Variants in PPL observed in about 807,000 individuals in gnomAD.
PPL encodes periplakin, also known as 190 kDa paraneoplastic pemphigus antigen.
Under a neutral mutation model 194.4 loss-of-function variants are expected in PPL, and 198 were observed. That is an observed-to-expected ratio of 1.02 (90% CI 0.91 to 1.15). The LOEUF (loss-of-function observed/expected upper bound fraction) is 1.15, where lower values mean the gene tolerates loss of function less well. PPL is among the 50% of genes most tolerant of loss of function. The pLI is 0.00. For synonymous variants in PPL, 1,220 were observed against 972.4 expected, an observed-to-expected ratio of 1.25 and a Z score of -4.74; for missense variants, 2,885 against 2,294.8, an observed-to-expected ratio of 1.26 and a Z score of -5.25.
intron 1 of PPL, among the ~76,000 whole-genome samples, chr16:4,931,987 G>C (rs59097326): frequency 0.02 from 3,054 of 152,294 alleles, 91 homozygotes; most frequent in African/African-American, 0.069. Context: ...GGTTGCTGGG[G>C]GTAGAGGCAG....
chr16:4,921,079 T>C (rs1166717143), intron 1 of PPL, among the ~76,000 whole-genome samples: 2 of 152,226 alleles, frequency 1.3e-5, no homozygotes, highest in Non-Finnish European at 2.9e-5. Flanking sequence ...TCGAGTCGAC[T>C]GAGGCTGTTT....
At position 4,888,230 on chromosome 16, in the gene PPL, A is replaced by G; in HGVS notation, c.2398-12T>C. 1 of 1,562,022 alleles carries G rather than the reference A, an allele frequency of 6.4e-7. No individual in the cohort carries two copies. The highest frequency in any genetic ancestry group is 8.8e-7 in the Non-Finnish European group (1 of 1,132,738). Reference sequence around the variant, plus strand: ...TCTAACTCATAGTCCTGCATGAGGGAGAGACATGGCAGAGGGGAGATTAAA... The same window carrying G: ...TCTAACTCATAGTCCTGCATGAGGGGGAGACATGGCAGAGGGGAGATTAAA... On this transcript the variant is annotated splice_polypyrimidine_tract_variant and intron_variant, in intron 19 of 21. Transcript: ENST00000345988.
intron 9 of PPL, among the ~76,000 whole-genome samples, chr16:4,897,351 AAAAAAG>A (rs1219449064): frequency 6.6e-5 from 10 of 151,424 alleles, no homozygotes; most frequent in African/African-American, 2.4e-4. Flanking sequence ...AAAAAAAAAA[AAAAAAG>A]GCAAATTTTG....
chr16:4,931,399 T>C (rs1022493581), intron 1 of PPL, among the ~76,000 whole-genome samples: 1 of 151,228 alleles, frequency 6.6e-6, no homozygotes, highest in African/African-American at 2.4e-5. Flanking sequence ...AAAAAATAGG[T>C]TGGGGTAGGG....
chr16:4,909,711 G>C (rs1269168114), intron 2 of PPL, among the ~76,000 whole-genome samples: 1 of 152,094 alleles, frequency 6.6e-6, no homozygotes, highest in East Asian at 1.9e-4. Flanking sequence ...ACGGCCGTGT[G>C]AGCCATTACG....
At position 4,882,703 on chromosome 16, in the gene PPL, C is replaced by T. The variant is rs1266678437; in HGVS notation, c.*681G>A. 1.3e-5 allele frequency: 2 copies of T among 152,358 alleles called. No individual in the cohort carries two copies. The highest frequency in any genetic ancestry group is 2.4e-5 in the African/African-American group (1 of 41,456). The allele number at this position is 152,358 out of a possible 1,614,324, so 9.4% of individuals were successfully genotyped here. A position where few individuals can be genotyped will look rare whatever the true frequency, so the allele number is the denominator to read the frequency against. ...TGTAAAGCACTGAAACTAAGGCTAA[C>T]AGCAGCACAATCCACTATCAAAGGA... On this transcript the variant is annotated 3_prime_UTR_variant, in exon 22 of 22. Transcript: ENST00000345988.
intron 14 of PPL, 47 bp downstream of exon 14, chr16:4,893,166 A>G: frequency 6.8e-7 from 1 of 1,460,196 alleles, no homozygotes; most frequent in African/African-American, 1.4e-5. Flanking sequence ...CCAGGGGGCC[A>G]GTGCAGGGCT....
In PPL at chr16:4,937,136, G is replaced by A; in HGVS notation, c.-91C>T. The A allele has an allele frequency of 2.2e-6, 2 of 916,398 alleles. No homozygotes were observed. The highest frequency in any genetic ancestry group is 2.7e-6 in the Non-Finnish European group (2 of 752,766). 56.8% of individuals were successfully genotyped at this position (916,398 alleles called of 1,614,324 possible). On this transcript the variant is annotated 5_prime_UTR_variant, in exon 1 of 22. Transcript: ENST00000345988. Reference sequence around the variant, plus strand: ...GCGCAGGTGAGCGAGCGGCGGCGCGGGGAGCCCGGACTGCGGCGCGGCAGT... The same window carrying A: ...GCGCAGGTGAGCGAGCGGCGGCGCGAGGAGCCCGGACTGCGGCGCGGCAGT...
chr16:4,885,502 C>G lies in PPL; in HGVS notation c.3153G>C (p.Lys1051Asn). 1 of 1,611,708 alleles carries G rather than the reference C, an allele frequency of 6.2e-7. No homozygotes were observed. The highest frequency in any genetic ancestry group is 8.5e-7 in the Non-Finnish European group (1 of 1,179,894). Residue 1051 changes from lysine to asparagine, a missense_variant, in exon 22 of 22, where the codon AAG becomes AAC. Transcript: ENST00000345988. The surrounding 1 kb of genome is among the most constrained non-coding windows in gnomAD (Gnocchi z 6.3). ...GTTTCACCACCTCTTTCTCTGTGACCTTCTCCTGCGCCCGGCTCTTCTCTT... is the reference window on the plus strand; with the variant it reads ...GTTTCACCACCTCTTTCTCTGTGACGTTCTCCTGCGCCCGGCTCTTCTCTT... ...LAEEKSRAQE[K>N]VTEKEVVKLQ...
chr16:4,890,637 AAAT>A, intron 17 of PPL, 88 bp downstream of exon 17: 1 of 1,434,162 alleles, frequency 7.0e-7, no homozygotes, highest in Non-Finnish European at 9.3e-7. Context: ...AAAAACAGCA[AAAT>A]CTGTGGGACA....
chr16:4,911,992 CA>C (rs1415672723), intron 1 of PPL, among the ~76,000 whole-genome samples: 1 of 152,242 alleles, frequency 6.6e-6, no homozygotes, highest in Non-Finnish European at 1.5e-5. Flanking sequence ...ACCACCAGCA[CA>C]CCCAGCTTCT....
Position 4,885,425 on chromosome 16 carries a change from T to C in PPL, c.3230A>G (p.His1077Arg). 6.2e-7 allele frequency: 1 copy of C among 1,612,714 alleles called. No individual in the cohort carries two copies. Among genetic ancestry groups the C allele is most frequent in the Non-Finnish European group, 8.5e-7 (1 of 1,179,980 alleles). The change falls in exon 22 of 22, where the codon CAC (histidine) becomes CGC (arginine). Residue 1077 changes from histidine (H) to arginine (R), a missense_variant. Coordinates refer to ENST00000345988, the MANE Select transcript of PPL (RefSeq NM_002705.5). This position sits in a 1 kb window ranked among gnomAD's most constrained non-coding sequence, Gnocchi z 6.3. ...CTCCCTGAGCTGGTCCTGGCGCTGG[T>C]GGTCCTCCTGCAGCTGCTGGTACTC... ...EAEYQQLQEDHQRQDQLREKQ... is the reference protein window; with the variant it reads ...EAEYQQLQEDRQRQDQLREKQ...
chr16:4,885,735 G>C lies in PPL; in HGVS notation c.2920C>G (p.Leu974Val). 6.2e-7 allele frequency: 1 copy of C among 1,613,212 alleles called. No homozygotes were observed. ...NQLLQEELEALQLQLRALEQE... is the reference protein window; with the variant it reads ...NQLLQEELEAVQLQLRALEQE... ...TCCAGGGCACGCAGCTGCAGCTGCA[G>C]TGCCTCCAGCTCCTCCTGCAGCAGC... Residue 974 changes from leucine to valine, a missense_variant, in exon 22 of 22, where the codon CTG becomes GTG. Transcript: ENST00000345988. This position sits in a 1 kb window ranked among gnomAD's most constrained non-coding sequence, Gnocchi z 6.3.
intron 1 of PPL, among the ~76,000 whole-genome samples, chr16:4,923,311 C>T (rs1173152489): frequency 6.6e-6 from 1 of 152,230 alleles, no homozygotes; most frequent in Admixed American, 6.5e-5. Context: ...GCAACAGCCA[C>T]CCACTCTCTT....
At chr16:4,925,947 CA>C (rs1307744182) in intron 1 of PPL, among the ~76,000 whole-genome samples, 1 of 152,184 alleles carries the variant, frequency 6.6e-6, no homozygotes, top group Admixed American at 6.5e-5. Context: ...CAATTAATCC[CA>C]GTGGTTGGTT....
chr16:4,887,057 C>G, intron 21 of PPL, 78 bp downstream of exon 21: 2 of 1,240,924 alleles, frequency 1.6e-6, no homozygotes, highest in Non-Finnish European at 2.4e-6. Context: ...AATTCACAAA[C>G]CATTTCTCTA....
intron 1 of PPL, among the ~76,000 whole-genome samples, chr16:4,924,646 A>G (rs2089122166): frequency 6.6e-6 from 1 of 152,022 alleles, no homozygotes; most frequent in Non-Finnish European, 1.5e-5. Context: ...CCTGACTCCA[A>G]AACAACCTGG....
At chr16:4,914,441 G>T (rs1232363080) in intron 1 of PPL, among the ~76,000 whole-genome samples, 3 of 152,330 alleles carry the variant, frequency 2.0e-5, no homozygotes, top group South Asian at 2.1e-4. Flanking sequence ...ATTGGGGGCA[G>T]AAATGGCAGC....
Position 4,936,981 on chromosome 16 carries a change from C to T in PPL, c.62+3G>A, listed in dbSNP as rs2089308796. ...CGGAGCGGAGCTGTGGGCGCCTCCT[C>T]ACCTCCGGGTCTGCACAGTGGGGCT... On this transcript the variant is annotated splice_donor_region_variant and intron_variant, in intron 1 of 21. Transcript: ENST00000345988. 3.1e-6 allele frequency: 5 copies of T among 1,588,618 alleles called. No homozygotes were observed. Among genetic ancestry groups the T allele is most frequent in the Non-Finnish European group, 4.3e-6 (5 of 1,168,254 alleles).
Sources: gnomAD v4.1 joint callset for allele counts (sites outside exome capture counted in the v4.1 genomes callset) on GRCh38, gnomAD v4.1.1 for gene constraint, Gnocchi (gnomAD v3.1) non-coding constraint, MANE v1.5 for transcripts, NCBI Gene and HGNC (gene_info 2026-07-23, HGNC 2026-07-21) for gene names.